Variants in SIPA1L1 observed in about 807,000 individuals in gnomAD.
SIPA1L1 encodes signal induced proliferation associated 1 like 1.
Under a neutral mutation model 162.7 loss-of-function variants are expected in SIPA1L1, and 26 were observed. That is an observed-to-expected ratio of 0.16 (90% CI 0.12 to 0.22). SIPA1L1 has a LOEUF of 0.22. SIPA1L1 is among the 10% of genes least tolerant of loss of function. SIPA1L1 has a pLI of 1.00. For missense variants in SIPA1L1, 1,874 were observed against 2,241.0 expected, an observed-to-expected ratio of 0.84 and a Z score of 3.31; for synonymous variants, 829 against 837.4, an observed-to-expected ratio of 0.99 and a Z score of 0.17.
chr14:71,712,919 T>TA (rs1198588328), intron 17 of SIPA1L1, among the ~76,000 whole-genome samples: 1 of 152,202 alleles, frequency 6.6e-6, no homozygotes, highest in African/African-American at 2.4e-5. Context: ...ACTACCCACT[T>TA]ATGCGATCAC....
intron 5 of SIPA1L1, among the ~76,000 whole-genome samples, chr14:71,612,318 G>A (rs1209889215): frequency 3.3e-5 from 5 of 152,048 alleles, no homozygotes; most frequent in Non-Finnish European, 7.4e-5. Flanking sequence ...AATATATTAC[G>A]TCTCTACCAA....
At chr14:71,408,900 C>A (rs2042214129) in intron 2 of SIPA1L1, among the ~76,000 whole-genome samples, 1 of 152,066 alleles carries the variant, frequency 6.6e-6, no homozygotes, top group Non-Finnish European at 1.5e-5. Flanking sequence ...GTGGGCTTAA[C>A]CTTTTTAGCC....
intron 9 of SIPA1L1, among the ~76,000 whole-genome samples, chr14:71,660,045 G>T (rs2149230903): frequency 6.6e-6 from 1 of 151,974 alleles, no homozygotes; most frequent in African/African-American, 2.4e-5. Flanking sequence ...AAATGGATTT[G>T]TTTCTATTTG....
intron 5 of SIPA1L1, among the ~76,000 whole-genome samples, chr14:71,615,197 T>G (rs1460223531): frequency 1.3e-5 from 2 of 152,204 alleles, no homozygotes; most frequent in Admixed American, 1.3e-4. Context: ...GCAGATTTTT[T>G]TCAGATGATA....
chr14:71,478,238 C>T (rs1423247964), intron 2 of SIPA1L1, among the ~76,000 whole-genome samples: 1 of 151,980 alleles, frequency 6.6e-6, no homozygotes, highest in Non-Finnish European at 1.5e-5. Context: ...GTTGAGTTTT[C>T]AGTTTTATTT....
intron 2 of SIPA1L1, among the ~76,000 whole-genome samples, chr14:71,332,626 T>TC (rs2034677536): frequency 6.6e-6 from 1 of 152,184 alleles, no homozygotes; most frequent in South Asian, 2.1e-4. Context: ...AATCTTGGTT[T>TC]CTTCTACTCC....
At chr14:71,586,255 A>G (rs137890466) in intron 4 of SIPA1L1, 1 of 146,792 alleles carries the variant, frequency 6.8e-6, no homozygotes, top group East Asian at 2.0e-4. Flanking sequence ...AAACACCCCT[A>G]CATGTTCCAG....
At chr14:71,682,543 T>C (rs575697529) in intron 12 of SIPA1L1, among the ~76,000 whole-genome samples, 1 of 152,334 alleles carries the variant, frequency 6.6e-6, no homozygotes, top group South Asian at 2.1e-4. Flanking sequence ...ATGAATCTTC[T>C]CTCTGCTCAG....
chr14:71,446,895 T>TTTTTTG (rs2045406296), intron 2 of SIPA1L1, among the ~76,000 whole-genome samples: 4 of 87,974 alleles, frequency 4.5e-5, no homozygotes, highest in Non-Finnish European at 6.2e-5. Flanking sequence ...ATGGGCTCTG[T>TTTTTTG]TTTTTTTTTT....
intron 2 of SIPA1L1, among the ~76,000 whole-genome samples, chr14:71,352,925 T>G (rs2036862407): frequency 6.6e-6 from 1 of 152,218 alleles, no homozygotes; most frequent in Admixed American, 6.5e-5. Flanking sequence ...GGAAGACTAA[T>G]GCATTTAAGC....
intron 2 of SIPA1L1, among the ~76,000 whole-genome samples, chr14:71,436,418 C>A (rs1329589805): frequency 1.3e-5 from 2 of 152,102 alleles, no homozygotes; most frequent in Non-Finnish European, 2.9e-5. Flanking sequence ...GACTTTAAAT[C>A]AATTTGGGAT....
intron 5 of SIPA1L1, among the ~76,000 whole-genome samples, chr14:71,606,293 A>G (rs1190975821): frequency 1.3e-5 from 2 of 152,052 alleles, no homozygotes; most frequent in Non-Finnish European, 2.9e-5. Flanking sequence ...GGCATGTGAA[A>G]ATGGGTGATC....
At chr14:71,631,993 C>T (rs1445136220) in intron 7 of SIPA1L1, among the ~76,000 whole-genome samples, 1 of 152,198 alleles carries the variant, frequency 6.6e-6, no homozygotes, top group Non-Finnish European at 1.5e-5. Context: ...AAGGTCTTTA[C>T]TTTCAGTAAT....
chr14:71,546,206 A>T (rs943676136), intron 4 of SIPA1L1, among the ~76,000 whole-genome samples: 4 of 152,012 alleles, frequency 2.6e-5, no homozygotes, highest in Non-Finnish European at 5.9e-5. Context: ...CAATCTACAT[A>T]TTAAGCTTTC....
At chr14:71,515,177 ATACACAGTTGT>A (rs2051582931) in intron 3 of SIPA1L1, among the ~76,000 whole-genome samples, 1 of 152,250 alleles carries the variant, frequency 6.6e-6, no homozygotes, top group Non-Finnish European at 1.5e-5. Context: ...TTCAGGCCAA[ATACACAGTTGT>A]TACTGTAGAG....
intron 7 of SIPA1L1, among the ~76,000 whole-genome samples, chr14:71,633,122 G>A (rs1180175654): frequency 8.2e-6 from 1 of 122,046 alleles, no homozygotes; most frequent in Non-Finnish European, 1.7e-5. Flanking sequence ...GTTATGTTAT[G>A]TTATGTTATG....
intron 2 of SIPA1L1, among the ~76,000 whole-genome samples, chr14:71,336,558 A>C (rs577703193): frequency 6.6e-6 from 1 of 152,360 alleles, no homozygotes; most frequent in Admixed American, 6.5e-5. Flanking sequence ...TTACAGATTT[A>C]AGGATTCAAA....
chr14:71,451,925 T>C (rs773966001), intron 2 of SIPA1L1, among the ~76,000 whole-genome samples: 5 of 152,194 alleles, frequency 3.3e-5, no homozygotes, highest in Non-Finnish European at 5.9e-5. Context: ...CATGGAATTA[T>C]ATACATCAAA....
At chr14:71,604,487 A>G (rs1406115511) in intron 5 of SIPA1L1, among the ~76,000 whole-genome samples, 2 of 151,926 alleles carry the variant, frequency 1.3e-5, no homozygotes, top group South Asian at 2.1e-4. Context: ...GTGTGTTTTC[A>G]TGTTGGTAGT....
Sources: gnomAD v4.1 joint callset for allele counts (sites outside exome capture counted in the v4.1 genomes callset) on GRCh38, gnomAD v4.1.1 for gene constraint, MANE v1.5 for transcripts, NCBI Gene and HGNC (gene_info 2026-07-23, HGNC 2026-07-21) for gene names.